Variants in GRM7 observed in about 807,000 individuals in gnomAD.
GRM7 encodes glutamate metabotropic receptor 7, also known as metabotropic glutamate receptor 7.
Under a neutral mutation model 84.5 loss-of-function variants are expected in GRM7, and 35 were observed. The ratio of observed to expected loss-of-function variants is 0.41; its 90% confidence interval spans 0.32 to 0.55. The LOEUF is 0.55. Ranked by LOEUF, GRM7 falls within the 20% of genes least tolerant of loss-of-function variation. The pLI is 0.19. For missense variants in GRM7, 1,003 were observed against 1,194.6 expected (o/e 0.84, Z 2.36); for synonymous variants, 487 against 455.1 (o/e 1.07, Z -0.89).
At chr3:7,658,211 G>C (rs995686684) in intron 8 of GRM7, among the ~76,000 whole-genome samples, 1 of 152,126 alleles carries the variant, frequency 6.6e-6, no homozygotes, top group African/African-American at 2.4e-5. Context: ...TGGATATCAT[G>C]GTTAATTTTA....
chr3:7,172,592 C>T (rs1695021515), intron 2 of GRM7, among the ~76,000 whole-genome samples: 2 of 120,286 alleles, frequency 1.7e-5, no homozygotes, highest in African/African-American at 6.4e-5. Flanking sequence ...ACATATTTGT[C>T]CCAAAAATGG....
chr3:6,974,030 C>G (rs1183767259), intron 1 of GRM7, among the ~76,000 whole-genome samples: 2 of 152,106 alleles, frequency 1.3e-5, no homozygotes, highest in African/African-American at 4.8e-5. Context: ...TAGCTCAGAC[C>G]AGAGTGCAAA....
intron 1 of GRM7, among the ~76,000 whole-genome samples, chr3:7,106,654 A>G (rs2125028671): frequency 6.6e-6 from 1 of 152,136 alleles, no homozygotes; most frequent in South Asian, 2.1e-4. Context: ...CACTAGGTCC[A>G]TTTTAGTCCT....
At chr3:7,037,335 A>C (rs1696422678) in intron 1 of GRM7, among the ~76,000 whole-genome samples, 2 of 152,224 alleles carry the variant, frequency 1.3e-5, no homozygotes, top group African/African-American at 4.8e-5. Flanking sequence ...GTTAGGAAAG[A>C]ATCAGGATGC....
At chr3:7,451,155 C>T (rs960904362) in intron 5 of GRM7, among the ~76,000 whole-genome samples, 3 of 152,136 alleles carry the variant, frequency 2.0e-5, no homozygotes, top group Non-Finnish European at 4.4e-5. Flanking sequence ...AATTCTTCTT[C>T]ATAGAGGGAC....
intron 9 of GRM7, among the ~76,000 whole-genome samples, chr3:7,684,683 A>T (rs1366322008): frequency 1.3e-5 from 2 of 152,222 alleles, no homozygotes; most frequent in Non-Finnish European, 2.9e-5. Context: ...AGTCCATTGT[A>T]TGAAAGAAAA....
chr3:7,482,001 A>G (rs1699148108), intron 7 of GRM7, among the ~76,000 whole-genome samples: 1 of 152,136 alleles, frequency 6.6e-6, no homozygotes, highest in Non-Finnish European at 1.5e-5. Flanking sequence ...ATCCTGGCTA[A>G]CATGGTGAAA....
chr3:7,254,360 A>G (rs191016177), intron 2 of GRM7, among the ~76,000 whole-genome samples: 1 of 152,340 alleles, frequency 6.6e-6, no homozygotes, highest in African/African-American at 2.4e-5. Context: ...TTGCTCCAGA[A>G]AGGCAGAGAA....
chr3:7,209,343 A>G (rs1244977824), intron 2 of GRM7, among the ~76,000 whole-genome samples: 1 of 152,212 alleles, frequency 6.6e-6, no homozygotes, highest in Non-Finnish European at 1.5e-5. Context: ...CAATGCCTGG[A>G]AAACCCCTAG....
At chr3:7,716,692 A>C (rs976102320) in intron 9 of GRM7, among the ~76,000 whole-genome samples, 6 of 152,108 alleles carry the variant, frequency 3.9e-5, no homozygotes, top group African/African-American at 1.4e-4. Context: ...CTGCTGATTG[A>C]TTTTGTTTTT....
rs530376205 is a variant in GRM7, at chr3:7,473,541, ACAGAGTTTTTGT to A, written c.1515+11820_1515+11831del. ...GAGAGAGAGAGAGAGAAACACCTTG[ACAGAGTTTTTGT>A]AACATCTCAGAAAAGGGAGGTCAAG... On this transcript the variant is annotated intron_variant, in intron 7 of 9. Transcript: ENST00000357716. Among the ~76,000 whole-genome samples, 368 of 151,108 alleles carry A rather than the reference ACAGAGTTTTTGT, an allele frequency of 2.4e-3. 3 individuals carry two copies. The highest frequency in any genetic ancestry group is 0.012 in the South Asian group (57 of 4,758).
At chr3:7,599,686 G>T (rs1365295287) in intron 8 of GRM7, among the ~76,000 whole-genome samples, 1 of 152,110 alleles carries the variant, frequency 6.6e-6, no homozygotes, top group African/African-American at 2.4e-5. Context: ...ACGGAGGGGG[G>T]ATTGTCAGAA....
At chr3:6,964,463 C>T (rs559460264) in intron 1 of GRM7, among the ~76,000 whole-genome samples, 2 of 152,256 alleles carry the variant, frequency 1.3e-5, no homozygotes, top group African/African-American at 4.8e-5. Context: ...AACATCCCTC[C>T]TCTTCAAACT....
At chr3:7,010,880 A>C (rs562145683) in intron 1 of GRM7, among the ~76,000 whole-genome samples, 2 of 152,202 alleles carry the variant, frequency 1.3e-5, no homozygotes, top group Non-Finnish European at 2.9e-5. Flanking sequence ...AAAGCAAACA[A>C]ATCTTTTTTC....
intron 7 of GRM7, among the ~76,000 whole-genome samples, chr3:7,525,763 T>G (rs755397066): frequency 2.6e-5 from 4 of 152,138 alleles, no homozygotes; most frequent in Non-Finnish European, 4.4e-5. Context: ...TATGTCCATG[T>G]GTATCCAATG....
At chr3:7,657,654 G>A (rs575227923) in intron 8 of GRM7, among the ~76,000 whole-genome samples, 2 of 152,142 alleles carry the variant, frequency 1.3e-5, no homozygotes, top group African/African-American at 4.8e-5. Context: ...AATGTGGAAG[G>A]GTTGAGCTCT....
intron 9 of GRM7, among the ~76,000 whole-genome samples, chr3:7,728,418 T>C (rs1310483227): frequency 6.6e-6 from 1 of 152,196 alleles, no homozygotes; most frequent in South Asian, 2.1e-4. Context: ...CTATGCCTGA[T>C]TAATTTTGTT....
chr3:7,671,600 C>G (rs1467233521), intron 8 of GRM7, among the ~76,000 whole-genome samples: 1 of 150,606 alleles, frequency 6.6e-6, no homozygotes, highest in Non-Finnish European at 1.5e-5. Context: ...GTCCAATACT[C>G]ATCTAGTTGC....
chr3:6,889,410 A>G (rs1031495528), intron 1 of GRM7, among the ~76,000 whole-genome samples: 2 of 152,006 alleles, frequency 1.3e-5, no homozygotes, highest in African/African-American at 2.4e-5. Flanking sequence ...CATCCCATCA[A>G]TACCTAATTT....
Sources: gnomAD v4.1 joint callset for allele counts (sites outside exome capture counted in the v4.1 genomes callset) on GRCh38, gnomAD v4.1.1 for gene constraint, MANE v1.5 for transcripts, NCBI Gene and HGNC (gene_info 2026-07-23, HGNC 2026-07-21) for gene names.